The following PCDHA1 variants were observed in gnomAD, a reference collection of about 807,000 sequenced individuals.
The protein encoded by PCDHA1 is protocadherin alpha-1.
Under a neutral mutation model 61.3 loss-of-function variants are expected in PCDHA1, and 42 were observed. The ratio of observed to expected loss-of-function variants is 0.69; its 90% confidence interval spans 0.54 to 0.89. The LOEUF (loss-of-function observed/expected upper bound fraction) is 0.89, where lower values mean the gene tolerates loss of function less well. PCDHA1 is among the 40% of genes least tolerant of loss of function. PCDHA1 has a pLI of 0.00. For missense variants in PCDHA1, 1,256 were observed against 1,235.3 expected (o/e 1.02, Z -0.25); for synonymous variants, 610 against 553.8 (o/e 1.10, Z -1.43).
intron 1 of PCDHA1, among the ~76,000 whole-genome samples, chr5:140,832,318 G>T (rs1416750803): frequency 1.3e-5 from 2 of 152,116 alleles, no homozygotes; most frequent in Non-Finnish European, 2.9e-5. Context: ...GTTGCTTAAG[G>T]GCCATTAGAG....
At chr5:140,809,878 C>T (rs964149878) in intron 1 of PCDHA1, 2 of 246,758 alleles carry the variant, frequency 8.1e-6, no homozygotes, top group Non-Finnish European at 1.5e-5. Context: ...TATTATTTAA[C>T]CTATTACATA....
intron 1 of PCDHA1, chr5:140,853,687 T>C (rs1025605569): frequency 3.0e-6 from 3 of 988,362 alleles, no homozygotes; most frequent in African/African-American, 3.5e-5. Context: ...AACCTATCCT[T>C]AGACCTGCTA....
chr5:140,976,354 C>A (rs1331334402), intron 1 of PCDHA1, among the ~76,000 whole-genome samples: 2 of 151,960 alleles, frequency 1.3e-5, no homozygotes, highest in Non-Finnish European at 2.9e-5. Context: ...TGTTCAAGAC[C>A]AGCCTGGCCA....
chr5:140,817,299 A>C (rs1210324230), intron 1 of PCDHA1: 2 of 152,198 alleles, frequency 1.3e-5, no homozygotes, highest in Non-Finnish European at 2.9e-5. Context: ...GACTATAGGG[A>C]AAGTGCCCCA....
rs28619398 is a variant in PCDHA1 at position 140,895,037 on chromosome 5, C to T, written c.2395-83912C>T. 4.7e-3 allele frequency among the ~76,000 whole-genome samples: 720 copies of T among 152,250 alleles called. 7 individuals are homozygous for T. The highest frequency in any genetic ancestry group is 0.016 in the African/African-American group (670 of 41,558). ...TTTTCCTTTGTTTAATTGTCCCCCA[C>T]CCACACCATTCTGCTTCATATGGAC... is the stretch of plus-strand genomic sequence containing the variant. On this transcript the variant is annotated intron_variant, in intron 1 of 3. Transcript: ENST00000504120.
intron 1 of PCDHA1, chr5:140,870,948 C>A (rs868931274): frequency 1.2e-6 from 2 of 1,613,466 alleles, no homozygotes; most frequent in African/African-American, 1.3e-5. Context: ...CGGCGGCGGG[C>A]GGCTCGCGCA....
At chr5:140,949,944 T>TTTAGTGG (rs2094435490) in intron 1 of PCDHA1, among the ~76,000 whole-genome samples, 1 of 151,908 alleles carries the variant, frequency 6.6e-6, no homozygotes, top group South Asian at 2.1e-4. Context: ...ATTTGCATTT[T>TTTAGTGG]TTAGTGGTTG....
intron 1 of PCDHA1, chr5:140,824,614 T>TG (rs1768228041): frequency 1.6e-5 from 2 of 124,554 alleles, no homozygotes; most frequent in South Asian, 2.4e-4. Flanking sequence ...ATTAAAGTTT[T>TG]TTTTTTTTTT....
chr5:140,986,947 C>T (rs983987541), intron 3 of PCDHA1, among the ~76,000 whole-genome samples: 1 of 152,160 alleles, frequency 6.6e-6, no homozygotes, highest in African/African-American at 2.4e-5. Context: ...GGTGTGGTCG[C>T]TCATGCCTGT....
chr5:140,859,387 C>A, intron 1 of PCDHA1: 2 of 268,138 alleles, frequency 7.5e-6, no homozygotes, highest in South Asian at 8.3e-5. Context: ...CTTCTCTAGT[C>A]ATCTTAAACA....
At chr5:140,794,815 G>C in intron 1 of PCDHA1, 1 of 830,710 alleles carries the variant, frequency 1.2e-6, no homozygotes, top group Non-Finnish European at 1.9e-6. Flanking sequence ...ACCATAGAGT[G>C]TTCTCTAGGA....
rs2150224135 is a variant in PCDHA1, at chr5:140,834,676, G to A, written c.2394+45992G>A. The A allele has an allele frequency of 3.3e-5, 53 of 1,614,126 alleles. No individual in the cohort carries two copies. Among genetic ancestry groups the A allele is most frequent in the Non-Finnish European group, 4.2e-5 (50 of 1,180,052 alleles). On this transcript the variant is annotated intron_variant, in intron 1 of 3. Coordinates refer to ENST00000504120, the MANE Select transcript of PCDHA1 (RefSeq NM_018900.4). ...ATCGACCGCGAGGAGCTGTGCGGGC[G>A]GAGCGCGGAGTGCAGCATCCACCTG...
intron 1 of PCDHA1, chr5:140,795,157 C>T: frequency 1.2e-6 from 2 of 1,614,014 alleles, no homozygotes; most frequent in Admixed American, 1.7e-5. Flanking sequence ...GCGCCTGTTC[C>T]GGGTGGCGTC....
At chr5:140,912,130 T>A (rs1554195167) in intron 1 of PCDHA1, among the ~76,000 whole-genome samples, 1 of 152,156 alleles carries the variant, frequency 6.6e-6, no homozygotes, top group Non-Finnish European at 1.5e-5. Flanking sequence ...GTCAGTCTAA[T>A]CTCTCCATGT....
At chr5:140,971,715 T>C (rs2096493906) in intron 1 of PCDHA1, among the ~76,000 whole-genome samples, 1 of 152,048 alleles carries the variant, frequency 6.6e-6, no homozygotes. Context: ...TATATAGATA[T>C]ATGTATATCA....
Position 140,941,322 on chromosome 5 carries a change from T to C in PCDHA1, c.2395-37627T>C, listed in dbSNP as rs1340835610. Among the ~76,000 whole-genome samples the C allele has an allele frequency of 3.4e-5, 5 of 145,550 alleles. No individual in the cohort carries two copies. The East Asian group carries it at 6.0e-4, about 17-fold the overall frequency. The stretch of plus-strand genomic sequence containing the variant: ...TTTCTTTCTTTTTCTTCTTTCTCTT[T>C]TTTTTTTTTTTTCAGATGGAGTCTT... On this transcript the variant is annotated intron_variant, in intron 1 of 3. Coordinates refer to ENST00000504120, the MANE Select transcript of PCDHA1 (RefSeq NM_018900.4).
intron 1 of PCDHA1, chr5:140,863,675 G>T (rs782582155): frequency 1.1e-4 from 31 of 292,406 alleles, no homozygotes; most frequent in South Asian, 4.0e-4. Context: ...TTTTGCTTTT[G>T]CTTTTTCTTT....
chr5:140,883,674 C>T (rs782029001), intron 1 of PCDHA1: 5 of 1,613,738 alleles, frequency 3.1e-6, no homozygotes, highest in African/African-American at 2.7e-5. Flanking sequence ...GAAAACAATC[C>T]GCCGGGCTGC....
intron 1 of PCDHA1, among the ~76,000 whole-genome samples, chr5:140,793,514 C>T (rs1554118947): frequency 6.6e-6 from 1 of 152,162 alleles, no homozygotes; most frequent in African/African-American, 2.4e-5. Flanking sequence ...TTAACAAGAG[C>T]TTTGCTTTTC....
Sources: gnomAD v4.1 joint callset for allele counts (sites outside exome capture counted in the v4.1 genomes callset) on GRCh38, gnomAD v4.1.1 for gene constraint, MANE v1.5 for transcripts, NCBI Gene and HGNC (gene_info 2026-07-23, HGNC 2026-07-21) for gene names.